MEI1: variants seen among roughly 807,000 people sequenced by gnomAD.
The protein encoded by MEI1 is meiotic double-stranded break formation protein 1.
Under a neutral mutation model 146.2 loss-of-function variants are expected in MEI1, and 103 were observed. That is an observed-to-expected ratio of 0.70 (90% CI 0.60 to 0.83). The LOEUF (loss-of-function observed/expected upper bound fraction) is 0.83, where lower values mean the gene tolerates loss of function less well. Ranked by LOEUF, MEI1 falls within the 40% of genes least tolerant of loss-of-function variation. The probability of loss-of-function intolerance (pLI) is 0.00; values close to 1 mark genes in which losing one functional copy is unlikely to be tolerated. For missense variants in MEI1, 1,529 were observed against 1,533.0 expected (o/e 1.00, Z 0.04); for synonymous variants, 652 against 628.2 (o/e 1.04, Z -0.57).
At chr22:41,743,845 G>T (rs1365079857) in intron 12 of MEI1, among the ~76,000 whole-genome samples, 3 of 152,068 alleles carry the variant, frequency 2.0e-5, no homozygotes, top group Non-Finnish European at 4.4e-5. Flanking sequence ...GGTTCAGAGA[G>T]ACTGTAGGTT....
At chr22:41,742,285 G>A (rs936796176) in intron 11 of MEI1, among the ~76,000 whole-genome samples, 6 of 152,082 alleles carry the variant, frequency 3.9e-5, no homozygotes, top group African/African-American at 1.4e-4. Flanking sequence ...TTTACCTGTT[G>A]ATCCTGGTTT....
chr22:41,763,760 C>T (rs2074662084), intron 19 of MEI1, among the ~76,000 whole-genome samples: 2 of 150,592 alleles, frequency 1.3e-5, no homozygotes, highest in Admixed American at 6.6e-5. Flanking sequence ...CTTGTCTCTA[C>T]AAAATATTAA....
At chr22:41,776,010 TA>T in intron 20 of MEI1, 91 bp from the exon 21 acceptor site, 2 of 1,314,480 alleles carry the variant, frequency 1.5e-6, no homozygotes, top group Non-Finnish European at 2.1e-6. Flanking sequence ...ACATCATAAT[TA>T]TGGGCCCTTT....
chr22:41,785,996 C>T (rs369362568), intron 26 of MEI1, among the ~76,000 whole-genome samples: 2,340 of 143,608 alleles, frequency 0.016, 55 homozygotes, highest in Admixed American at 0.061. Context: ...CTGCAAGCTC[C>T]GCCTCCCGGG....
chr22:41,708,553 A>C (rs2069280328), intron 3 of MEI1, among the ~76,000 whole-genome samples: 1 of 152,236 alleles, frequency 6.6e-6, no homozygotes, highest in African/African-American at 2.4e-5. Context: ...GATACCAAAA[A>C]TCGGAAAGCC....
chr22:41,721,843 C>T (rs1329497503), intron 6 of MEI1, among the ~76,000 whole-genome samples: 1 of 149,882 alleles, frequency 6.7e-6, no homozygotes, highest in Admixed American at 6.7e-5. Context: ...GCCACAGCCT[C>T]CCGAGTAGCT....
chr22:41,778,870 C>T (rs773758292), intron 22 of MEI1, 58 bp downstream of exon 22: 14 of 1,224,110 alleles, frequency 1.1e-5, no homozygotes, highest in South Asian at 2.6e-5. Flanking sequence ...GCAGTGGGTG[C>T]TCACTAAGTA....
intron 12 of MEI1, among the ~76,000 whole-genome samples, chr22:41,743,466 A>G (rs1367127331): frequency 5.3e-5 from 8 of 152,080 alleles, no homozygotes; most frequent in Admixed American, 4.6e-4. Context: ...AGAACAGTAA[A>G]TTCCAGGGTG....
At chr22:41,779,051 G>C (rs1055461312) in intron 22 of MEI1, among the ~76,000 whole-genome samples, 1 of 152,078 alleles carries the variant, frequency 6.6e-6, no homozygotes, top group Non-Finnish European at 1.5e-5. Context: ...ATGAGGCCAG[G>C]GGGGTGCTCA....
At chr22:41,719,183 C>T (rs895428039) in intron 6 of MEI1, among the ~76,000 whole-genome samples, 7 of 151,954 alleles carry the variant, frequency 4.6e-5, no homozygotes, top group African/African-American at 1.4e-4. Flanking sequence ...GGGGTTTCAC[C>T]GTGTTAGACA....
At chr22:41,790,524 TTGAG>T (rs894040091) in intron 26 of MEI1, among the ~76,000 whole-genome samples, 1 of 152,208 alleles carries the variant, frequency 6.6e-6, no homozygotes, top group Non-Finnish European at 1.5e-5. Flanking sequence ...CAGCTGTGAA[TTGAG>T]TATCACATTA....
At chr22:41,705,952 C>A (rs2069063157) in intron 3 of MEI1, among the ~76,000 whole-genome samples, 1 of 152,122 alleles carries the variant, frequency 6.6e-6, no homozygotes, top group African/African-American at 2.4e-5. Flanking sequence ...AGGCGATCTG[C>A]CTGCCTCAGC....
At position 41,795,790 on chromosome 22, in the gene MEI1, C is replaced by A. The variant is rs1366800018; in HGVS notation, c.3722C>A (p.Ser1241Tyr). ...AGCATGGCCCAGACCCTGCAGGCCT[C>A]CTTGGAGGGCCTTCCCCCTAGCACC... ...DHSMAQTLQASLEGLPPSTSS... is the reference protein window; with the variant it reads ...DHSMAQTLQAYLEGLPPSTSS... The change falls in exon 30 of 31, where the codon TCC becomes TAC. Residue 1241 changes from serine (S) to tyrosine (Y), a missense_variant. This residue lies in a region of MEI1 where 313 missense variants were observed against 337.3 expected (regional missense o/e 0.93). Coordinates refer to ENST00000401548, the MANE Select transcript of MEI1 (RefSeq NM_152513.4). This position sits in a 1 kb window ranked among gnomAD's most constrained non-coding sequence, Gnocchi z 4.2. 1.2e-6 allele frequency: 2 copies of A among 1,613,754 alleles called. No individual in the cohort carries two copies. The highest frequency in any genetic ancestry group is 4.5e-5 in the East Asian group (2 of 44,862).
intron 3 of MEI1, among the ~76,000 whole-genome samples, chr22:41,706,912 C>T (rs781520608): frequency 1.2e-4 from 18 of 151,318 alleles, no homozygotes; most frequent in African/African-American, 1.2e-4. Flanking sequence ...TTAAGTAGGC[C>T]GGGCGCAGTG....
intron 30 of MEI1, 94 bp from the exon 31 acceptor site, chr22:41,799,160 C>A: frequency 8.3e-7 from 1 of 1,210,526 alleles, no homozygotes; most frequent in Non-Finnish European, 1.2e-6. Context: ...CTGTTCTTGC[C>A]TGACCATTCT....
chr22:41,719,348 G>A (rs1307414605), intron 6 of MEI1, among the ~76,000 whole-genome samples: 3 of 151,866 alleles, frequency 2.0e-5, no homozygotes, highest in East Asian at 1.9e-4. Context: ...CATCACATCC[G>A]GCCAAGTTTT....
At chr22:41,768,854 A>G (rs1358605239) in intron 19 of MEI1, among the ~76,000 whole-genome samples, 2 of 152,208 alleles carry the variant, frequency 1.3e-5, no homozygotes, top group East Asian at 3.8e-4. Context: ...TTGGGCGGGG[A>G]CACAAATCCA....
chr22:41,713,899 C>A, intron 3 of MEI1, 103 bp from the exon 4 acceptor site: 1 of 914,182 alleles, frequency 1.1e-6, no homozygotes, highest in Non-Finnish European at 1.7e-6. Context: ...ACCAATTAGC[C>A]CAGGCAAATC....
At chr22:41,761,482 T>A (rs975153193) in intron 18 of MEI1, among the ~76,000 whole-genome samples, 2 of 151,928 alleles carry the variant, frequency 1.3e-5, no homozygotes, top group African/African-American at 2.4e-5. Context: ...GCCCGGCTAA[T>A]TTTTTGTATT....
Sources: gnomAD v4.1 joint callset for allele counts (sites outside exome capture counted in the v4.1 genomes callset) on GRCh38, gnomAD v4.1.1 for gene constraint, gnomAD v4.1.1 regional missense constraint, Gnocchi (gnomAD v3.1) non-coding constraint, MANE v1.5 for transcripts, NCBI Gene and HGNC (gene_info 2026-07-23, HGNC 2026-07-21) for gene names.